ZNF516: variants seen among roughly 807,000 people sequenced by gnomAD.
ZNF516 encodes the protein zinc finger protein 516.
Under a neutral mutation model 79.7 loss-of-function variants are expected in ZNF516, and 19 were observed. The ratio of observed to expected loss-of-function variants is 0.24; its 90% CI spans 0.17 to 0.35. The LOEUF is 0.35. Among genes scored for constraint, ZNF516 ranks in the 10% least tolerant of loss-of-function variants. The pLI is 1.00. For missense variants in ZNF516, 1,678 were observed against 1,679.5 expected (o/e 1.00, Z 0.02); for synonymous variants, 877 against 739.5 (o/e 1.19, Z -3.02).
At chr18:76,415,717 C>T (rs1449863551) in intron 3 of ZNF516, among the ~76,000 whole-genome samples, 1 of 152,180 alleles carries the variant, frequency 6.6e-6, no homozygotes, top group East Asian at 1.9e-4. Flanking sequence ...CTGCAAATTG[C>T]ATCTCTCTCA....
At chr18:76,450,469 T>C (rs1766740047) in intron 2 of ZNF516, among the ~76,000 whole-genome samples, 2 of 151,812 alleles carry the variant, frequency 1.3e-5, no homozygotes, top group Admixed American at 6.6e-5. Flanking sequence ...GTCTGAATAA[T>C]AGGAACCTGG....
intron 3 of ZNF516, among the ~76,000 whole-genome samples, chr18:76,411,260 G>A (rs17059335): frequency 0.048 from 7,234 of 152,224 alleles, 604 homozygotes; most frequent in African/African-American, 0.17. Context: ...AATGGGTGTC[G>A]TGTACCTTTC....
chr18:76,491,477 T>C (rs1172170035), intron 1 of ZNF516, among the ~76,000 whole-genome samples: 1 of 134,490 alleles, frequency 7.4e-6, no homozygotes, highest in Non-Finnish European at 1.6e-5. Flanking sequence ...GAAGTTGGGC[T>C]GTGGGTCCGT....
chr18:76,402,543 C>A (rs531737182), intron 3 of ZNF516, among the ~76,000 whole-genome samples: 1 of 152,326 alleles, frequency 6.6e-6, no homozygotes, highest in South Asian at 2.1e-4. Context: ...CTGTCTGAGG[C>A]CCCTGCGGGG....
intron 3 of ZNF516, among the ~76,000 whole-genome samples, chr18:76,382,821 G>A (rs544252147): frequency 4.6e-5 from 7 of 152,010 alleles, no homozygotes; most frequent in South Asian, 2.1e-4. Context: ...CCAGGAGAGC[G>A]GATCATTTGG....
chr18:76,396,956 C>T (rs185056575), intron 3 of ZNF516, among the ~76,000 whole-genome samples: 141 of 152,312 alleles, frequency 9.3e-4, no homozygotes, highest in Admixed American at 1.0e-3. Context: ...TGCTGAAAAC[C>T]ACTGCCACAG....
In ZNF516 at chr18:76,379,795, C is replaced by T; in HGVS notation, c.2319G>A (p.Glu773=). 2.5e-6 allele frequency: 4 copies of T among 1,613,826 alleles called. No individual in the cohort carries two copies. Among genetic ancestry groups the T allele is most frequent in the Non-Finnish European group, 3.4e-6 (4 of 1,179,824 alleles). Residue 773 remains glutamate (E), a synonymous_variant, in exon 4 of 7, where the codon GAG becomes GAA. Transcript: ENST00000443185. Reference sequence around the variant, plus strand: ...AGATGCGTTTGTGCATCCACAGGACCTCGGGGTAGTAGGTCTTGTGGCTGC... The same window carrying T: ...AGATGCGTTTGTGCATCCACAGGACTTCGGGGTAGTAGGTCTTGTGGCTGC... The part of the protein sequence containing the change: ...PYCSHKTYYP[E]VLWMHKRIWH...
chr18:76,456,147 G>A (rs1226042352), intron 2 of ZNF516, among the ~76,000 whole-genome samples: 3 of 152,194 alleles, frequency 2.0e-5, no homozygotes, highest in Non-Finnish European at 4.4e-5. Flanking sequence ...AGGAGCCCTG[G>A]CGAACGTGAA....
intron 3 of ZNF516, among the ~76,000 whole-genome samples, chr18:76,409,863 T>G (rs781691711): frequency 6.6e-6 from 1 of 152,178 alleles, no homozygotes; most frequent in Non-Finnish European, 1.5e-5. Flanking sequence ...AATCTCACCT[T>G]GAATTGTAGT....
At chr18:76,432,414 C>T (rs112981856) in intron 3 of ZNF516, among the ~76,000 whole-genome samples, 2,407 of 152,392 alleles carry the variant, frequency 0.016, 29 homozygotes, top group Middle Eastern at 0.041. Context: ...CCATCGGCCT[C>T]TGCCTTCAAT....
chr18:76,395,754 G>A (rs2075136070), intron 3 of ZNF516, among the ~76,000 whole-genome samples: 1 of 151,984 alleles, frequency 6.6e-6, no homozygotes, highest in Non-Finnish European at 1.5e-5. Context: ...CCGAGGAAAT[G>A]AAACTCCAAA....
chr18:76,416,485 G>C (rs771169046), intron 3 of ZNF516, among the ~76,000 whole-genome samples: 2 of 152,172 alleles, frequency 1.3e-5, no homozygotes, highest in Non-Finnish European at 2.9e-5. Context: ...TGGGGGTTTG[G>C]GGATTTTAGT....
At chr18:76,495,825 A>C (rs775357689), upstream of ZNF516, 13 of 959,582 alleles carry the variant, frequency 1.4e-5, no homozygotes, top group African/African-American at 1.8e-5. Context: ...TGTGCGTGTC[A>C]CTCAACTTCC....
intron 1 of ZNF516, among the ~76,000 whole-genome samples, chr18:76,464,049 C>T (rs578056459): frequency 8.5e-5 from 13 of 152,062 alleles, no homozygotes; most frequent in Non-Finnish European, 1.8e-4. Flanking sequence ...CAAGGCCGGG[C>T]GCGGGTGCTC....
rs183526842 is a variant in ZNF516 at position 76,397,946 on chromosome 18, T to C, written c.1811-17643A>G. Reference sequence around the variant, plus strand: ...AACAAAAACAGTCCCAAATTAAATATAGAATTTCTGACTAGACAAATTATT... The same window carrying C: ...AACAAAAACAGTCCCAAATTAAATACAGAATTTCTGACTAGACAAATTATT... On this transcript the variant is annotated intron_variant, in intron 3 of 6. Transcript: ENST00000443185. Among the ~76,000 whole-genome samples, 7 of 152,264 alleles carry C rather than the reference T, an allele frequency of 4.6e-5. No individual in the cohort carries two copies. In the East Asian group the frequency reaches 5.8e-4, roughly 13 times the overall value.
At chr18:76,396,809 C>T (rs372695200) in intron 3 of ZNF516, among the ~76,000 whole-genome samples, 16 of 152,048 alleles carry the variant, frequency 1.1e-4, no homozygotes, top group African/African-American at 1.7e-4. Context: ...AGTGAGAGGC[C>T]GGAGCACCGC....
chr18:76,371,129 G>C (rs192145298), intron 5 of ZNF516, among the ~76,000 whole-genome samples: 5 of 152,362 alleles, frequency 3.3e-5, no homozygotes, highest in Non-Finnish European at 7.3e-5. Context: ...AGCCTACGCT[G>C]TGCTAAAAGG....
intron 4 of ZNF516, among the ~76,000 whole-genome samples, chr18:76,375,464 G>A (rs756863370): frequency 5.5e-4 from 83 of 151,192 alleles, no homozygotes; most frequent in Admixed American, 2.2e-3. Context: ...GGTAGGTCCC[G>A]GAGACCAGGT....
chr18:76,408,729 C>T (rs1568268007), intron 3 of ZNF516, among the ~76,000 whole-genome samples: 2 of 152,346 alleles, frequency 1.3e-5, no homozygotes, highest in Admixed American at 6.5e-5. Flanking sequence ...CGTTTGTGTT[C>T]GCTCGCTAAT....
Sources: gnomAD v4.1 joint callset for allele counts (sites outside exome capture counted in the v4.1 genomes callset) on GRCh38, gnomAD v4.1.1 for gene constraint, MANE v1.5 for transcripts, NCBI Gene and HGNC (gene_info 2026-07-23, HGNC 2026-07-21) for gene names.